The following SCART1 variants were observed in gnomAD, a reference collection of about 807,000 sequenced individuals.
The protein encoded by SCART1 is scavenger receptor family member expressed on T cells 1, also known as scavenger receptor cysteine-rich domain-containing protein SCART1.
SCART1 carries 62 observed loss-of-function variants against 36.2 expected under a neutral mutation model. The ratio of observed to expected loss-of-function variants is 1.71; its 90% CI spans 1.40 to 2.12. The LOEUF (loss-of-function observed/expected upper bound fraction) is 2.12. SCART1 is among the 30% of genes most tolerant of loss of function. SCART1 has a pLI of 0.00. For missense variants in SCART1, 1,041 were observed against 540.5 expected (o/e 1.93, Z -9.18); for synonymous variants, 487 against 238.7 (o/e 2.04, Z -9.59).
At chr10:133,459,038 G>A (rs955346385) in exon 5 of SCART1, 17 of 692,674 alleles carry the variant, frequency 2.5e-5, no homozygotes, top group Middle Eastern at 2.3e-4. Flanking sequence ...GATGGTCAAC[G>A]GCAGCAGCAG....
At chr10:133,464,328 CGTGCAGTGAACCTG>C in intron 6 of SCART1, 1 of 138,964 alleles carries the variant, frequency 7.2e-6, no homozygotes, top group Non-Finnish European at 1.5e-5. Context: ...TGAACCTGGG[CGTGCAGTGAACCTG>C]GGTGCTGCAG....
At chr10:133,459,870 C>T (rs1850674292) in exon 6 of SCART1, 3 of 557,068 alleles carry the variant, frequency 5.4e-6, no homozygotes, top group Admixed American at 6.9e-5. Flanking sequence ...GACTCTGTCT[C>T]TCCACAGGGA....
At chr10:133,464,685 C>T (rs995005671) in exon 7 of SCART1, 13 of 698,946 alleles carry the variant, frequency 1.9e-5, no homozygotes, top group African/African-American at 7.0e-5. Context: ...GGACCTGGGG[C>T]GCCATGTGCA....
exon 4 of SCART1, chr10:133,458,538 G>A (rs764816021): frequency 7.3e-5 from 49 of 675,710 alleles, no homozygotes; most frequent in Non-Finnish European, 9.3e-5. Flanking sequence ...GCCGGGGCTC[G>A]GGGCCGGTGT....
In SCART1 at chr10:133,456,287, GT is replaced by G; in HGVS notation, c.119del (p.Val40GlyfsTer99). 1 of 702,956 alleles carries G rather than the reference GT, an allele frequency of 1.4e-6. No homozygotes were observed. The highest frequency in any genetic ancestry group is 2.0e-5 in the Admixed American group (1 of 50,008). 43.5% of individuals were successfully genotyped at this position (702,956 alleles called of 1,614,324 possible). The stretch of plus-strand genomic sequence containing the variant: ...GTACAGACACAGCACGTGCGACGGA[GT>G]GGTGTTGGTCCGACACCACGGGGCA... On this transcript the variant is annotated frameshift_variant, in exon 2 of 12. Coordinates refer to ENST00000640237, the Ensembl canonical transcript of SCART1. LOFTEE classifies it high-confidence loss of function.
rs941819163 is a variant in SCART1, at chr10:133,469,066, G to A, written c.*1098G>A. 2 of 151,932 alleles carry A rather than the reference G, an allele frequency of 1.3e-5. 1 individual carries two copies. Among genetic ancestry groups the A allele is most frequent in the Admixed American group, 1.3e-4 (2 of 15,260 alleles). 9.4% of individuals were successfully genotyped at this position (151,932 alleles called of 1,614,324 possible). A position where few individuals can be genotyped will look rare whatever the true frequency, so the allele number is the denominator to read the frequency against. On this transcript the variant is annotated 3_prime_UTR_variant, in exon 12 of 12. Transcript: ENST00000640237. Reference sequence around the variant, plus strand: ...GTTGTTTCCTGACTTTTTAATAATCGCCATTCTAACTGGCATGAGATGATA... The same window carrying A: ...GTTGTTTCCTGACTTTTTAATAATCACCATTCTAACTGGCATGAGATGATA...
chr10:133,466,388 G>T lies in SCART1; in HGVS notation c.2806+7G>T, dbSNP rs1191780951. ...ACACAAGCCATGCAGAGGGGTAAGC[G>T]TGAGCCCACCCTGATCCCATCAACT... On this transcript the variant is annotated splice_region_variant and intron_variant, in intron 10 of 11. Transcript: ENST00000640237. 11 of 701,622 alleles carry T rather than the reference G, an allele frequency of 1.6e-5. No individual in the cohort carries two copies. Among genetic ancestry groups the T allele is most frequent in the Non-Finnish European group, 2.3e-5 (9 of 384,294 alleles). 43.5% of individuals were successfully genotyped at this position (701,622 alleles called of 1,614,324 possible).
intron 7 of SCART1, 57 bp downstream of exon 7, chr10:133,464,968 GT>G: frequency 1.4e-6 from 1 of 702,712 alleles, no homozygotes; most frequent in Non-Finnish European, 2.6e-6. Flanking sequence ...CTGGGAAGAG[GT>G]TTATCTGTCC....
intron 1 of SCART1, 83 bp downstream of exon 1, chr10:133,454,147 C>T (rs1357389721): frequency 1.4e-6 from 1 of 698,008 alleles, no homozygotes; most frequent in African/African-American, 1.8e-5. Context: ...ATGAGGGTCC[C>T]TGCAGTGACC....
At chr10:133,458,768 G>C (rs1850654900) in intron 4 of SCART1, 112 bp downstream of exon 4, 1 of 673,146 alleles carries the variant, frequency 1.5e-6, no homozygotes, top group African/African-American at 1.8e-5. Flanking sequence ...TTTGATGTTT[G>C]CTTCTGTTGG....
intron 1 of SCART1, among the ~76,000 whole-genome samples, chr10:133,455,221 C>G (rs189631230): frequency 1.3e-5 from 2 of 152,122 alleles, no homozygotes; most frequent in African/African-American, 4.8e-5. Flanking sequence ...GAGCTGAGAT[C>G]GTGCCATTGC....
At position 133,459,624 on chromosome 10, in the gene SCART1, C is replaced by T. The variant is rs948725242; in HGVS notation, c.1423C>T (p.Leu475Phe). ...CGGCGCGGGCGTGGTGTGCCGGCAACTCGGGTGCAGAGGGGCCCAGCAAGC... is the reference window on the plus strand; with the variant it reads ...CGGCGCGGGCGTGGTGTGCCGGCAATTCGGGTGCAGAGGGGCCCAGCAAGC... The change falls in exon 6 of 12, where the codon CTC becomes TTC. Residue 475 changes from leucine (L) to phenylalanine (F), a missense_variant. Physicochemically the swap from Leu to Phe is conservative, Grantham distance 22 (BLOSUM62 0). Coordinates refer to ENST00000640237, the Ensembl canonical transcript of SCART1. 37 of 676,622 alleles carry T rather than the reference C, an allele frequency of 5.5e-5. No homozygotes were observed. The African/African-American group carries it at 6.2e-4, about 11-fold the overall frequency. 41.9% of individuals were successfully genotyped at this position (676,622 alleles called of 1,614,324 possible).
At chr10:133,464,343 GGTGC>G (rs1850738173) in intron 6 of SCART1, 1 of 414,318 alleles carries the variant, frequency 2.4e-6, no homozygotes, top group Non-Finnish European at 4.3e-6. Context: ...AGTGAACCTG[GGTGC>G]TGCAGTGAAC....
intron 10 of SCART1, among the ~76,000 whole-genome samples, chr10:133,466,778 T>TA (rs1466010853): frequency 6.6e-6 from 1 of 152,222 alleles, no homozygotes; most frequent in African/African-American, 2.4e-5. Context: ...ATAGAAATCT[T>TA]AGAGGCCTTC....
downstream of SCART1, chr10:133,469,227 G>A (rs1850792571): frequency 6.6e-6 from 1 of 152,132 alleles, no homozygotes; most frequent in Non-Finnish European, 1.5e-5. Context: ...TGATGGGGTT[G>A]TTTGCTTTTA....
chr10:133,465,945 C>A, intron 9 of SCART1: 1 of 674,928 alleles, frequency 1.5e-6, no homozygotes. Context: ...CTGAGCCACT[C>A]CCATTCTCTG....
At chr10:133,457,225 A>G in intron 2 of SCART1, 54 bp from the exon 3 acceptor site, 4 of 683,922 alleles carry the variant, frequency 5.8e-6, no homozygotes, top group Middle Eastern at 3.8e-4. Context: ...CTGCCGAGTG[A>G]CCATGCGGCC....
At chr10:133,463,502 G>T (rs1416486935) in intron 6 of SCART1, among the ~76,000 whole-genome samples, 20 of 118,152 alleles carry the variant, frequency 1.7e-4, no homozygotes, top group Non-Finnish European at 2.8e-4. Context: ...TTACGTATTT[G>T]ACTTTTTTTT....
chr10:133,459,611 G>A, exon 6 of SCART1: 1 of 675,612 alleles, frequency 1.5e-6, no homozygotes, highest in East Asian at 2.7e-5. Context: ...GCGCGGGCGT[G>A]GTGTGCCGGC....
Sources: allele counts gnomAD v4.1 joint callset (sites outside exome capture counted in the v4.1 genomes callset), GRCh38; gene constraint gnomAD v4.1.1; transcripts MANE v1.5; gene names NCBI Gene and HGNC (gene_info 2026-07-23, HGNC 2026-07-21).